Variants in TMCO6 observed in about 807,000 individuals in gnomAD.
TMCO6 encodes the protein transmembrane and coiled-coil domain-containing protein 6.
In TMCO6, 47 loss-of-function variants were observed where a neutral mutation model predicts 61.8. The observed-to-expected ratio is 0.76, with a 90% CI of 0.60 to 0.97. The LOEUF is 0.97. Among genes scored for constraint, TMCO6 ranks in the 50% least tolerant of loss-of-function variants. The pLI is 0.00. For missense variants in TMCO6, 557 were observed against 601.6 expected, an observed-to-expected ratio of 0.93 and a Z score of 0.78; for synonymous variants, 261 against 254.2, an observed-to-expected ratio of 1.03 and a Z score of -0.25.
the TMCO6 span, among the ~76,000 whole-genome samples, chr5:140,630,390 C>T: frequency 3.3e-5 from 5 of 152,164 alleles, no homozygotes; most frequent in East Asian, 9.7e-4. Flanking sequence ...TAATAAAATA[C>T]CATAGACTGG....
chr5:140,611,300 C>T, the TMCO6 span, among the ~76,000 whole-genome samples: 1 of 152,278 alleles, frequency 6.6e-6, no homozygotes, highest in East Asian at 1.9e-4. Flanking sequence ...CTTCCCATCA[C>T]TCCCGCCACC....
Position 140,645,114 on chromosome 5 carries a change from TCACTCATTC to T in TMCO6, c.*18_*26del. ...TCAAGGGTGATCTTGTTTCTCAATG[TCACTCATTC>T]CCCTCTCTCTTAACATCAAGCTTGT... On this transcript the variant is annotated 3_prime_UTR_variant, in exon 12 of 12. Transcript: ENST00000394671. The T allele has an allele frequency of 1.9e-6, 3 of 1,609,056 alleles. No homozygotes were observed. The highest frequency in any genetic ancestry group is 2.6e-6 in the Non-Finnish European group (3 of 1,175,524).
At chr5:140,632,634 C>T in the TMCO6 span, 3 of 1,613,660 alleles carry the variant, frequency 1.9e-6, no homozygotes, top group African/African-American at 2.7e-5. This position sits in a 1 kb window ranked among gnomAD's most constrained non-coding sequence, Gnocchi z 6.2. Flanking sequence ...TTCCTTGAGG[C>T]GGGAGTACGC....
chr5:140,606,700 G>A, the TMCO6 span, among the ~76,000 whole-genome samples: 1 of 152,274 alleles, frequency 6.6e-6, no homozygotes, highest in African/African-American at 2.4e-5. Context: ...GCCGAGGCAG[G>A]CAGATTGCCC....
chr5:140,604,080 T>C, the TMCO6 span, among the ~76,000 whole-genome samples: 1 of 152,218 alleles, frequency 6.6e-6, no homozygotes, highest in Non-Finnish European at 1.5e-5. Context: ...TTAATTTGCG[T>C]TCCCTTTATG....
chr5:140,644,741 G>T lies in TMCO6; in HGVS notation c.1368+1G>T, dbSNP rs1317749380. Reference sequence around the variant, plus strand: ...TCTGCTGTTCCTGTATCAGCCAGAGGTATAGGTTTCTGGCCCACATCCTCA... The same window carrying T: ...TCTGCTGTTCCTGTATCAGCCAGAGTTATAGGTTTCTGGCCCACATCCTCA... On this transcript the variant is annotated splice_donor_variant, in intron 11 of 11. Coordinates refer to ENST00000394671, the MANE Select transcript of TMCO6 (RefSeq NM_018502.5). LOFTEE classifies it high-confidence loss of function. 6.2e-7 allele frequency: 1 copy of T among 1,614,116 alleles called. No homozygotes were observed. Among genetic ancestry groups the T allele is most frequent in the Non-Finnish European group, 8.5e-7 (1 of 1,179,986 alleles).
chr5:140,645,191 C>G lies in TMCO6; in HGVS notation c.*93C>G. ...TGGAGATTTAGGACCATAATGAGGT[C>G]TCATGTTCTCTGCTCCCACACCTAA... On this transcript the variant is annotated 3_prime_UTR_variant, in exon 12 of 12. Transcript: ENST00000394671. 1 of 1,271,834 alleles carries G rather than the reference C, an allele frequency of 7.9e-7. No individual in the cohort carries two copies. The highest frequency in any genetic ancestry group is 1.2e-5 in the South Asian group (1 of 80,902). The allele number at this position is 1,271,834 out of a possible 1,614,324, so 78.8% of individuals were successfully genotyped here.
At chr5:140,630,316 A>ATTTT in the TMCO6 span, among the ~76,000 whole-genome samples, 1 of 149,404 alleles carries the variant, frequency 6.7e-6, no homozygotes, top group African/African-American at 2.5e-5. Context: ...TTTAAAAAAA[A>ATTTT]TTTTTTTTTT....
chr5:140,619,136 A>C, the TMCO6 span, among the ~76,000 whole-genome samples: 4 of 152,212 alleles, frequency 2.6e-5, no homozygotes, highest in Non-Finnish European at 5.9e-5. Context: ...AAAAACAAGC[A>C]ACTTGATTTG....
upstream of TMCO6, among the ~76,000 whole-genome samples, chr5:140,636,906 C>T (rs568021002): frequency 1.3e-3 from 205 of 152,124 alleles, no homozygotes; most frequent in Non-Finnish European, 1.9e-3. Context: ...TAGGTGCCAC[C>T]GGGACCCTAA....
At chr5:140,632,771 C>T in the TMCO6 span, 1 of 1,613,570 alleles carries the variant, frequency 6.2e-7, no homozygotes. The surrounding 1 kb of genome is among the most constrained non-coding windows in gnomAD (Gnocchi z 6.2). Flanking sequence ...CATCGACGCG[C>T]TTTAGAAACG....
At chr5:140,643,114 T>C in intron 7 of TMCO6, 73 bp downstream of exon 7, 1 of 1,600,242 alleles carries the variant, frequency 6.2e-7, no homozygotes, top group Non-Finnish European at 8.5e-7. Context: ...CTCTTTGAAC[T>C]TGTGTCTGGA....
At chr5:140,597,096 C>T in the TMCO6 span, among the ~76,000 whole-genome samples, 1 of 152,146 alleles carries the variant, frequency 6.6e-6, no homozygotes, top group Non-Finnish European at 1.5e-5. Context: ...CACAGGCCAC[C>T]CCCTAGCCTT....
chr5:140,603,957 G>A, the TMCO6 span, among the ~76,000 whole-genome samples: 20 of 152,262 alleles, frequency 1.3e-4, no homozygotes, highest in South Asian at 3.5e-3. Context: ...TTTCCCAATA[G>A]CAAGGTATGA....
At chr5:140,605,720 C>G in the TMCO6 span, among the ~76,000 whole-genome samples, 1 of 108,752 alleles carries the variant, frequency 9.2e-6, no homozygotes, top group Admixed American at 9.2e-5. Flanking sequence ...CACACACACA[C>G]ACACACACAC....
chr5:140,634,192 A>AT, the TMCO6 span, among the ~76,000 whole-genome samples: 2 of 152,140 alleles, frequency 1.3e-5, no homozygotes, highest in Non-Finnish European at 2.9e-5. Flanking sequence ...GAAGCAAGGT[A>AT]TTTTGAATCA....
upstream of TMCO6, among the ~76,000 whole-genome samples, chr5:140,636,086 C>A (rs1756764047): frequency 6.6e-6 from 1 of 152,202 alleles, no homozygotes; most frequent in Admixed American, 6.5e-5. Flanking sequence ...GCAACCTCCA[C>A]CTCCTGGGTT....
the TMCO6 span, among the ~76,000 whole-genome samples, chr5:140,607,381 T>G: frequency 6.6e-6 from 1 of 152,260 alleles, no homozygotes; most frequent in African/African-American, 2.4e-5. Context: ...GTCATTACTT[T>G]CTGTGGCTAA....
At chr5:140,608,439 C>A in the TMCO6 span, among the ~76,000 whole-genome samples, 1 of 152,156 alleles carries the variant, frequency 6.6e-6, no homozygotes, top group Non-Finnish European at 1.5e-5. Context: ...CATTTTCTCC[C>A]ATTTTGTAGG....
Sources: allele counts gnomAD v4.1 joint callset (sites outside exome capture counted in the v4.1 genomes callset), GRCh38; gene constraint gnomAD v4.1.1; non-coding constraint Gnocchi (gnomAD v3.1); transcripts MANE v1.5; gene names NCBI Gene and HGNC (gene_info 2026-07-23, HGNC 2026-07-21).